LTBP1: variants seen among roughly 807,000 people sequenced by gnomAD.
The protein encoded by LTBP1 is latent-transforming growth factor beta-binding protein 1.
In LTBP1, 129 loss-of-function variants were observed where a neutral mutation model predicts 207.6. The ratio of observed to expected loss-of-function variants is 0.62; its 90% CI spans 0.54 to 0.72. The LOEUF (loss-of-function observed/expected upper bound fraction) is 0.72. LTBP1 is among the 30% of genes least tolerant of loss of function. The probability of loss-of-function intolerance (pLI) is 0.00; values close to 1 mark genes in which losing one functional copy is unlikely to be tolerated. For synonymous variants in LTBP1, 963 were observed against 833.7 expected (o/e 1.16, Z -2.67); for missense variants, 2,281 against 2,217.2 (o/e 1.03, Z -0.58).
chr2:33,118,562 T>G (rs2080911771), intron 4 of LTBP1, among the ~76,000 whole-genome samples: 1 of 152,230 alleles, frequency 6.6e-6, no homozygotes, highest in South Asian at 2.1e-4. Flanking sequence ...TTTTCAATGA[T>G]TTCTGGCAAA....
chr2:33,257,610 A>C, intron 12 of LTBP1, 99 bp downstream of exon 12: 1 of 995,260 alleles, frequency 1.0e-6, no homozygotes, highest in African/African-American at 1.6e-5. Flanking sequence ...TTCTCAGCCT[A>C]AGCACTATTG....
chr2:33,117,566 A>G (rs1326548395), intron 4 of LTBP1, among the ~76,000 whole-genome samples: 1 of 152,348 alleles, frequency 6.6e-6, no homozygotes, highest in South Asian at 2.1e-4. Flanking sequence ...CTCTGTCAAA[A>G]CAAAGCTGAA....
chr2:33,087,387 C>A (rs907305699), intron 3 of LTBP1, among the ~76,000 whole-genome samples: 37 of 152,072 alleles, frequency 2.4e-4, no homozygotes, highest in African/African-American at 8.4e-4. Flanking sequence ...TTCTATTTAC[C>A]TTTACCACTG....
chr2:33,364,283 C>A lies in LTBP1; in HGVS notation c.4467C>A (p.Tyr1489Ter), dbSNP rs1043575102. ...DGQCVNTEGS[Y>*]NCFCTHPMVL... ...AGTGTGTTAATACAGAGGGCTCTTA[C>A]AACTGCTTCTGTACTCACCCCATGG... The change falls in exon 30 of 34, where the codon TAC becomes TAA. Residue 1489 changes from tyrosine to a stop codon, truncating the protein, a stop_gained. Transcript: ENST00000404816. LOFTEE classifies it high-confidence loss of function. 6.2e-7 allele frequency: 1 copy of A among 1,614,010 alleles called. No individual in the cohort carries two copies. The highest frequency in any genetic ancestry group is 8.5e-7 in the Non-Finnish European group (1 of 1,179,890).
chr2:33,363,663 G>A, intron 29 of LTBP1, 145 bp downstream of exon 29: 1 of 895,412 alleles, frequency 1.1e-6, no homozygotes, highest in Non-Finnish European at 1.6e-6. Flanking sequence ...TTTTTCTTAA[G>A]CACAATTGAA....
At chr2:33,313,304 G>C (rs1297053092) in intron 23 of LTBP1, among the ~76,000 whole-genome samples, 1 of 152,194 alleles carries the variant, frequency 6.6e-6, no homozygotes, top group Non-Finnish European at 1.5e-5. Context: ...TGTTGCAGAT[G>C]GAAGGCTAAA....
At chr2:33,187,116 C>T in intron 6 of LTBP1, 36 bp downstream of exon 6, 1 of 1,581,164 alleles carries the variant, frequency 6.3e-7, no homozygotes, top group Non-Finnish European at 8.7e-7. Context: ...TGCCAGACCT[C>T]TGTTAACCTG....
chr2:33,216,710 G>A (rs2090733670), intron 7 of LTBP1, among the ~76,000 whole-genome samples: 1 of 152,190 alleles, frequency 6.6e-6, no homozygotes, highest in South Asian at 2.1e-4. Flanking sequence ...TGGAGAGTCA[G>A]CTGGTCCTCC....
At chr2:33,301,268 T>G (rs986842000) in intron 21 of LTBP1, among the ~76,000 whole-genome samples, 4 of 152,210 alleles carry the variant, frequency 2.6e-5, no homozygotes, top group Non-Finnish European at 5.9e-5. Flanking sequence ...ACGCCATTTC[T>G]TATTTAAGAA....
intron 7 of LTBP1, among the ~76,000 whole-genome samples, chr2:33,190,181 AGCGTT>A (rs1220848787): frequency 6.6e-6 from 1 of 152,200 alleles, no homozygotes; most frequent in African/African-American, 2.4e-5. Flanking sequence ...ACAACCTAAA[AGCGTT>A]GGTTCCTCCA....
intron 13 of LTBP1, 144 bp from the exon 14 acceptor site, chr2:33,262,578 T>C (rs192332048): frequency 9.6e-5 from 31 of 323,890 alleles, no homozygotes; most frequent in Non-Finnish European, 2.8e-5. Context: ...CACACAATTA[T>C]ACATGTAAGG....
intron 8 of LTBP1, among the ~76,000 whole-genome samples, chr2:33,219,558 C>G (rs2090958302): frequency 6.6e-6 from 1 of 151,836 alleles, no homozygotes; most frequent in South Asian, 2.1e-4. Context: ...TTTAAACCTG[C>G]CTCTTTGTTT....
chr2:33,138,897 C>T (rs1349153383), intron 5 of LTBP1, among the ~76,000 whole-genome samples: 5 of 121,946 alleles, frequency 4.1e-5, no homozygotes, highest in Admixed American at 1.0e-4. Context: ...CTCGCTCTGT[C>T]GCCCAGGCTG....
chr2:33,196,222 A>G (rs769837547), intron 7 of LTBP1, among the ~76,000 whole-genome samples: 3 of 152,216 alleles, frequency 2.0e-5, no homozygotes, highest in Non-Finnish European at 2.9e-5. Flanking sequence ...CACAAGTAGC[A>G]CGAACTTGAC....
At chr2:33,185,351 G>A (rs1346000757) in intron 5 of LTBP1, among the ~76,000 whole-genome samples, 2 of 152,188 alleles carry the variant, frequency 1.3e-5, no homozygotes, top group African/African-American at 4.8e-5. Flanking sequence ...GTGGATGGAG[G>A]TATTGGAGGG....
intron 32 of LTBP1, among the ~76,000 whole-genome samples, chr2:33,393,695 T>G (rs2095335991): frequency 6.6e-6 from 1 of 152,230 alleles, no homozygotes; most frequent in African/African-American, 2.4e-5. Context: ...CTATTATTGA[T>G]GGACATTTGG....
In LTBP1 at chr2:33,299,967, A is replaced by G. The variant is rs74570389; in HGVS notation, c.3236-484A>G. Among the ~76,000 whole-genome samples, 245 of 152,306 alleles carry G rather than the reference A, an allele frequency of 1.6e-3. 4 individuals carry two copies. The East Asian group carries it at 0.037, about 23-fold the overall frequency. ...CTTTGAAAATGAGCCAGAGTTCTTT[A>G]TACAACTGTTTGGCCTTATAGTTCA... On this transcript the variant is annotated intron_variant, in intron 20 of 33. Transcript: ENST00000404816.
At chr2:33,027,429 C>T (rs766671432) in intron 3 of LTBP1, among the ~76,000 whole-genome samples, 13 of 152,162 alleles carry the variant, frequency 8.5e-5, no homozygotes, top group Admixed American at 2.0e-4. Context: ...TTACTATAGT[C>T]ACCATGCTCT....
chr2:32,981,623 T>C (rs905758392), intron 2 of LTBP1, among the ~76,000 whole-genome samples: 5 of 152,230 alleles, frequency 3.3e-5, no homozygotes, highest in Non-Finnish European at 1.5e-5. Context: ...AGCTCTCTGA[T>C]ATGGTTTGGC....
Sources: gnomAD v4.1 joint callset for allele counts (sites outside exome capture counted in the v4.1 genomes callset) on GRCh38, gnomAD v4.1.1 for gene constraint, MANE v1.5 for transcripts, NCBI Gene and HGNC (gene_info 2026-07-23, HGNC 2026-07-21) for gene names.